The following COPG2 variants were observed in gnomAD, a reference collection of about 807,000 sequenced individuals.
COPG2 encodes the protein coat protein complex I subunit gamma 2.
In COPG2, 37 loss-of-function variants were observed where a neutral mutation model predicts 46.3. That is an observed-to-expected ratio of 0.80 (90% CI 0.61 to 1.05). COPG2 has a LOEUF of 1.05. COPG2 is among the 50% of genes least tolerant of loss of function. The pLI is 0.00. For missense variants in COPG2, 427 were observed against 387.8 expected, an observed-to-expected ratio of 1.10 and a Z score of -0.85; for synonymous variants, 159 against 129.7, an observed-to-expected ratio of 1.23 and a Z score of -1.53.
At chr7:130,619,717 T>G (rs1414590309) in intron 5 of COPG2, among the ~76,000 whole-genome samples, 1 of 152,214 alleles carries the variant, frequency 6.6e-6, no homozygotes, top group Non-Finnish European at 1.5e-5. Context: ...TTAATTTTAT[T>G]TTTCAAGAAA....
intron 9 of COPG2, among the ~76,000 whole-genome samples, chr7:130,591,559 G>A (rs1353801628): frequency 1.5e-5 from 2 of 131,232 alleles, no homozygotes; most frequent in African/African-American, 2.9e-5. Context: ...GGGAAGTGAG[G>A]AGCCCCTCTG....
intron 9 of COPG2, among the ~76,000 whole-genome samples, chr7:130,600,420 C>G (rs782686295): frequency 1.9e-4 from 29 of 152,224 alleles, no homozygotes; most frequent in Non-Finnish European, 3.4e-4. Context: ...GCCACCACGC[C>G]TGGCTAATTT....
intron 5 of COPG2, among the ~76,000 whole-genome samples, chr7:130,626,470 C>G (rs1460302443): frequency 6.8e-6 from 1 of 148,010 alleles, no homozygotes; most frequent in African/African-American, 2.5e-5. Context: ...AGGCTGGTCT[C>G]GAACACCTGA....
At chr7:130,618,560 G>C (rs576156583) in intron 5 of COPG2, among the ~76,000 whole-genome samples, 1 of 152,126 alleles carries the variant, frequency 6.6e-6, no homozygotes, top group African/African-American at 2.4e-5. Flanking sequence ...AGAATTAACA[G>C]GTTTTCAGGG....
At position 130,612,211 on chromosome 7, in the gene COPG2, C is replaced by T. The variant is rs1554452211; in HGVS notation, c.520G>A (p.Val174Ile). The change falls in exon 8 of 24, where the codon GTT (valine) becomes ATT (isoleucine). Residue 174 changes from valine to isoleucine, a missense_variant. Val to Ile is a conservative substitution (Grantham distance 29). Coordinates refer to ENST00000425248, the MANE Select transcript of COPG2 (RefSeq NM_012133.6). ...LHMMKISYDV[V>I]KRWINEAQEA... ...TGGGCTTCATTGATCCAGCGCTTAACCACATCATAGCTTATCTTCATCATG... is the reference window on the plus strand; with the variant it reads ...TGGGCTTCATTGATCCAGCGCTTAATCACATCATAGCTTATCTTCATCATG... The T allele has an allele frequency of 1.2e-6, 2 of 1,607,536 alleles. No homozygotes were observed. The highest frequency in any genetic ancestry group is 8.5e-7 in the Non-Finnish European group (1 of 1,177,408).
chr7:130,591,464 G>A, intron 9 of COPG2, among the ~76,000 whole-genome samples: 1 of 69,288 alleles, frequency 1.4e-5, no homozygotes, highest in Non-Finnish European at 2.9e-5. Context: ...GCCCGTCCGG[G>A]AGGGAGGTGG....
At chr7:130,538,788 C>G (rs1179858629) in intron 20 of COPG2, among the ~76,000 whole-genome samples, 1 of 152,074 alleles carries the variant, frequency 6.6e-6, no homozygotes, top group Non-Finnish European at 1.5e-5. Context: ...CTAGTGACCA[C>G]TGAGTCTGAA....
chr7:130,547,557 CTCA>C (rs1198186566), intron 20 of COPG2, 114 bp downstream of exon 20: 1 of 397,584 alleles, frequency 2.5e-6, no homozygotes, highest in African/African-American at 2.1e-5. Context: ...CACACAAACA[CTCA>C]TCATTAAATT....
At chr7:130,610,173 T>C in intron 9 of COPG2, 1 of 484,344 alleles carries the variant, frequency 2.1e-6, no homozygotes, top group Non-Finnish European at 4.0e-6. Context: ...GACACTGATG[T>C]AACTAATACT....
At chr7:130,507,630 C>T in intron 22 of COPG2, 55 bp downstream of exon 22, 1 of 731,662 alleles carries the variant, frequency 1.4e-6, no homozygotes, top group Non-Finnish European at 2.5e-6. Context: ...ACAAATATGC[C>T]TGTTAGGTGT....
chr7:130,520,766 T>C (rs902925380), intron 20 of COPG2, among the ~76,000 whole-genome samples: 82 of 152,326 alleles, frequency 5.4e-4, no homozygotes, highest in Middle Eastern at 6.8e-3. Context: ...CCAAAAAACT[T>C]CTTGTTTTTA....
rs893320853 is a variant in COPG2 at position 130,519,995 on chromosome 7, C to T, written c.2150-11336G>A. Among the ~76,000 whole-genome samples the T allele has an allele frequency of 2.0e-5, 3 of 152,228 alleles. No homozygotes were observed. The East Asian group carries it at 5.8e-4, about 29-fold the overall frequency. On this transcript the variant is annotated intron_variant, in intron 20 of 23. Transcript: ENST00000425248. ...TTAGAAGGAGATGAATTAAGATAAACCCTGATAAGAAGCCATTGGTGGAAA... is the reference window on the plus strand; with the variant it reads ...TTAGAAGGAGATGAATTAAGATAAATCCTGATAAGAAGCCATTGGTGGAAA...
intron 11 of COPG2, among the ~76,000 whole-genome samples, chr7:130,562,520 T>C (rs1793735888): frequency 6.6e-6 from 1 of 152,200 alleles, no homozygotes; most frequent in South Asian, 2.1e-4. Context: ...TTCATTTACA[T>C]TTTCTATGCT....
chr7:130,586,620 G>A (rs1166558793), intron 9 of COPG2, among the ~76,000 whole-genome samples: 20 of 151,938 alleles, frequency 1.3e-4, no homozygotes, highest in East Asian at 3.9e-4. Context: ...CCGCCACCAC[G>A]CCGGGCTAAT....
intron 9 of COPG2, among the ~76,000 whole-genome samples, chr7:130,568,484 A>G (rs1191390485): frequency 6.6e-6 from 1 of 152,214 alleles, no homozygotes; most frequent in African/African-American, 2.4e-5. Context: ...TATAATGATA[A>G]AAGCACTAGT....
In COPG2 at chr7:130,605,398, T is replaced by C. The variant is rs368907335; in HGVS notation, c.737+5555A>G. ...AACTGTGCTGATATAATTAAGATTGTCACCTAAATTACCCAGGTAGGTGCA... is the reference window on the plus strand; with the variant it reads ...AACTGTGCTGATATAATTAAGATTGCCACCTAAATTACCCAGGTAGGTGCA... On this transcript the variant is annotated intron_variant, in intron 9 of 23. Transcript: ENST00000425248. 4.6e-5 allele frequency among the ~76,000 whole-genome samples: 7 copies of C among 152,334 alleles called. No individual in the cohort carries two copies. The East Asian group carries it at 1.2e-3, about 25-fold the overall frequency.
intron 9 of COPG2, among the ~76,000 whole-genome samples, chr7:130,571,687 C>A (rs1402908818): frequency 6.6e-6 from 1 of 152,066 alleles, no homozygotes; most frequent in African/African-American, 2.4e-5. Context: ...AGCAAACCCA[C>A]TACTGGGTAT....
At chr7:130,554,841 G>A (rs1793594437) in intron 13 of COPG2, 117 bp from the exon 14 acceptor site, 2 of 397,764 alleles carry the variant, frequency 5.0e-6, no homozygotes, top group Admixed American at 4.4e-5. Context: ...TTTTATGAAA[G>A]AAGCAAAAGT....
At chr7:130,531,076 C>T (rs999622180) in intron 20 of COPG2, among the ~76,000 whole-genome samples, 25 of 24,516 alleles carry the variant, frequency 1.0e-3, no homozygotes, top group Non-Finnish European at 1.7e-3. Flanking sequence ...GGATGGGGTT[C>T]GGGGTGGGGT....
Sources: allele counts gnomAD v4.1 joint callset (sites outside exome capture counted in the v4.1 genomes callset), GRCh38; gene constraint gnomAD v4.1.1; transcripts MANE v1.5; gene names NCBI Gene and HGNC (gene_info 2026-07-23, HGNC 2026-07-21).